The following ERGIC1 variants were observed in gnomAD, a reference collection of about 807,000 sequenced individuals.
ERGIC1 encodes the protein endoplasmic reticulum-golgi intermediate compartment 1.
Under a neutral mutation model 38.3 loss-of-function variants are expected in ERGIC1, and 19 were observed. The observed-to-expected ratio is 0.50, with a 90% confidence interval of 0.35 to 0.73. The LOEUF (loss-of-function observed/expected upper bound fraction) is 0.73. ERGIC1 is among the 30% of genes least tolerant of loss of function. The pLI is 0.01. For missense variants in ERGIC1, 294 were observed against 389.2 expected, an observed-to-expected ratio of 0.76 and a Z score of 2.06; for synonymous variants, 124 against 157.6, an observed-to-expected ratio of 0.79 and a Z score of 1.60.
intron 1 of ERGIC1, among the ~76,000 whole-genome samples, chr5:172,849,634 C>T (rs184887585): frequency 6.6e-6 from 1 of 152,176 alleles, no homozygotes; most frequent in Middle Eastern, 3.2e-3. Context: ...GAATGCAGCT[C>T]TTCTGAATTT....
rs1763780083 is a variant in ERGIC1 at position 172,931,794 on chromosome 5, TGTA to T, written c.542-641_542-639del. The stretch of plus-strand genomic sequence containing the variant: ...TCCTCCCCCAATCCATGGACACATG[TGTA>T]TCCTGTCCCATGACTTGGTTCTTTT... On this transcript the variant is annotated intron_variant, in intron 7 of 9. Transcript: ENST00000393784. 2.0e-5 allele frequency among the ~76,000 whole-genome samples: 3 copies of T among 151,906 alleles called. No individual in the cohort carries two copies. In the South Asian group the frequency reaches 6.2e-4, roughly 31 times the overall value.
chr5:172,848,248 A>T (rs550638277), intron 1 of ERGIC1, among the ~76,000 whole-genome samples: 5 of 152,280 alleles, frequency 3.3e-5, no homozygotes, highest in Admixed American at 1.3e-4. Context: ...CACTGTTTCC[A>T]CCTTCATGAT....
chr5:172,867,676 G>GCT (rs558226639), intron 1 of ERGIC1: 1 of 286,526 alleles, frequency 3.5e-6, no homozygotes, highest in South Asian at 2.9e-5. Context: ...CAGCAGAGGG[G>GCT]CTCTCAATCC....
chr5:172,924,275 A>G (rs551447874), intron 6 of ERGIC1, among the ~76,000 whole-genome samples, 166 bp downstream of exon 6: 53 of 152,330 alleles, frequency 3.5e-4, no homozygotes, highest in Middle Eastern at 6.8e-3. Flanking sequence ...AGAACAGGGA[A>G]ATGGGTCCTA....
intron 1 of ERGIC1, among the ~76,000 whole-genome samples, chr5:172,853,837 C>T (rs973743462): frequency 8.5e-5 from 13 of 152,198 alleles, no homozygotes; most frequent in Non-Finnish European, 1.6e-4. Context: ...GTGGTGCCCA[C>T]CTCCAAGGGG....
At chr5:172,912,357 A>G (rs1763227211) in intron 4 of ERGIC1, among the ~76,000 whole-genome samples, 1 of 152,014 alleles carries the variant, frequency 6.6e-6, no homozygotes, top group Admixed American at 6.5e-5. Context: ...TGGGACTGAT[A>G]ATATTATCTT....
chr5:172,884,977 T>G (rs1394702936), intron 1 of ERGIC1, among the ~76,000 whole-genome samples: 1 of 152,026 alleles, frequency 6.6e-6, no homozygotes, highest in Non-Finnish European at 1.5e-5. Context: ...GTTTGACCAG[T>G]CTCTCTGTAT....
chr5:172,915,441 A>G, intron 5 of ERGIC1: 1 of 408,142 alleles, frequency 2.5e-6, no homozygotes, highest in African/African-American at 2.1e-5. Flanking sequence ...AGCCAAGGGG[A>G]GTGAGATGAG....
intron 1 of ERGIC1, among the ~76,000 whole-genome samples, chr5:172,858,854 C>T (rs1561704659): frequency 6.6e-6 from 1 of 152,230 alleles, no homozygotes; most frequent in East Asian, 1.9e-4. Flanking sequence ...GGCCAAAGTC[C>T]ATGCTTCCCT....
At position 172,926,860 on chromosome 5, in the gene ERGIC1, A is replaced by G; in HGVS notation, c.541+291A>G. The stretch of plus-strand genomic sequence containing the variant: ...TTGCTCTCATCACAGCCACATCATC[A>G]TCCTTAGTTGAACTAATTACCTAAG... On this transcript the variant is annotated intron_variant, in intron 7 of 9. Coordinates refer to ENST00000393784, the MANE Select transcript of ERGIC1 (RefSeq NM_001031711.3). This position sits in a 1 kb window ranked among gnomAD's most constrained non-coding sequence, Gnocchi z 5.2. 1 of 424,018 alleles carries G rather than the reference A, an allele frequency of 2.4e-6. No homozygotes were observed. 26.3% of individuals were successfully genotyped at this position (424,018 alleles called of 1,614,324 possible).
intron 5 of ERGIC1, 68 bp from the exon 6 acceptor site, chr5:172,923,937 G>T (rs1763591927): frequency 1.4e-6 from 2 of 1,387,380 alleles, no homozygotes; most frequent in South Asian, 2.4e-5. Context: ...ATCACACAGG[G>T]TGAGGCCCCA....
chr5:172,929,188 CACAT>C (rs1033250428), intron 7 of ERGIC1, among the ~76,000 whole-genome samples: 3 of 151,258 alleles, frequency 2.0e-5, no homozygotes, highest in Non-Finnish European at 2.9e-5. Context: ...AGTATACACA[CACAT>C]ACATATATAT....
intron 7 of ERGIC1, among the ~76,000 whole-genome samples, chr5:172,929,880 A>G (rs1178052565): frequency 6.6e-6 from 1 of 152,170 alleles, no homozygotes; most frequent in Non-Finnish European, 1.5e-5. Context: ...AAAGTTGATC[A>G]TGATGTTCAG....
In ERGIC1 at chr5:172,837,986, G is replaced by A. The variant is rs142610541; in HGVS notation, c.20+3553G>A. ...GCCTGAGCACTGCCTTCCGGGAGGT[G>A]CAGGTGGCTGCTGTCCCACAGTGAC... On this transcript the variant is annotated intron_variant, in intron 1 of 9. Transcript: ENST00000393784. The surrounding 1 kb of genome is among the most constrained non-coding windows in gnomAD (Gnocchi z 4.3). Among the ~76,000 whole-genome samples the A allele has an allele frequency of 0.011, 1,632 of 152,298 alleles. 16 individuals carry two copies. The highest frequency in any genetic ancestry group is 0.017 in the Non-Finnish European group (1,184 of 68,026).
At chr5:172,949,302 C>T (rs571826885) in intron 9 of ERGIC1, among the ~76,000 whole-genome samples, 3 of 152,264 alleles carry the variant, frequency 2.0e-5, no homozygotes, top group Admixed American at 2.0e-4. Context: ...AGTTTTGAAC[C>T]CCTATTCAGC....
intron 3 of ERGIC1, among the ~76,000 whole-genome samples, chr5:172,905,837 C>G (rs540234975): frequency 6.6e-6 from 1 of 152,212 alleles, no homozygotes; most frequent in Non-Finnish European, 1.5e-5. Flanking sequence ...CAATCCAGCT[C>G]GAATGCCTGG....
At chr5:172,902,395 AG>A (rs1762906293) in intron 3 of ERGIC1, among the ~76,000 whole-genome samples, 1 of 152,220 alleles carries the variant, frequency 6.6e-6, no homozygotes, top group African/African-American at 2.4e-5. Flanking sequence ...AGAGGGCCCC[AG>A]GCATCCCATT....
chr5:172,856,784 C>T (rs542215078), intron 1 of ERGIC1, among the ~76,000 whole-genome samples: 69 of 152,302 alleles, frequency 4.5e-4, no homozygotes, highest in African/African-American at 1.2e-3. Context: ...TTCATGGAGA[C>T]GGAAGACAGA....
Position 172,926,955 on chromosome 5 carries a change from T to C in ERGIC1, c.541+386T>C, listed in dbSNP as rs775025431. 30 of 222,544 alleles carry C rather than the reference T, an allele frequency of 1.3e-4. No homozygotes were observed. Among genetic ancestry groups the C allele is most frequent in the Non-Finnish European group, 2.2e-4 (24 of 109,312 alleles). The allele number at this position is 222,544 out of a possible 1,614,324, so 13.8% of individuals were successfully genotyped here. ...AGGTCGCACCGTGAGAACAGGTCTG[T>C]GGGTGGCCCAGTCAGCTGTGACCAC... On this transcript the variant is annotated intron_variant, in intron 7 of 9. Transcript: ENST00000393784. This position sits in a 1 kb window ranked among gnomAD's most constrained non-coding sequence, Gnocchi z 5.2.
Sources: gnomAD v4.1 joint callset for allele counts (sites outside exome capture counted in the v4.1 genomes callset) on GRCh38, gnomAD v4.1.1 for gene constraint, Gnocchi (gnomAD v3.1) non-coding constraint, MANE v1.5 for transcripts, NCBI Gene and HGNC (gene_info 2026-07-23, HGNC 2026-07-21) for gene names.